Variants in ADGRB1 observed in about 807,000 individuals in gnomAD.
ADGRB1 encodes the protein brain-specific angiogenesis inhibitor 1.
In ADGRB1, 36 loss-of-function variants were observed where a neutral mutation model predicts 175.7. The ratio of observed to expected loss-of-function variants is 0.20; its 90% CI spans 0.16 to 0.27. ADGRB1 has a LOEUF of 0.27. Among genes scored for constraint, ADGRB1 ranks in the 10% least tolerant of loss-of-function variants. ADGRB1 has a pLI of 1.00. For synonymous variants in ADGRB1, 1,054 were observed against 979.4 expected (o/e 1.08, Z -1.42); for missense variants, 1,731 against 2,255.3 (o/e 0.77, Z 4.71).
At chr8:142,533,218 T>G in intron 24 of ADGRB1, 77 bp from the exon 25 acceptor site, 16 of 1,370,642 alleles carry the variant, frequency 1.2e-5, no homozygotes, top group East Asian at 2.6e-5. Context: ...CACCGAGGCC[T>G]GGAGATGCAG....
At position 142,510,388 on chromosome 8, in the gene ADGRB1, G is replaced by A. The variant is rs967167230; in HGVS notation, c.2676-544G>A. Among the ~76,000 whole-genome samples the A allele has an allele frequency of 6.6e-6, 1 of 151,914 alleles. No individual in the cohort carries two copies. The highest frequency in any genetic ancestry group is 2.4e-5 in the African/African-American group (1 of 41,406). ...GGAGGTGGATGTGGGGGATGGAGCG[G>A]TCCCAAGGTCGTCAGCTCCAGCCGG... is the stretch of plus-strand genomic sequence containing the variant. On this transcript the variant is annotated intron_variant, in intron 17 of 30. Transcript: ENST00000517894. The surrounding 1 kb of genome is among the most constrained non-coding windows in gnomAD (Gnocchi z 6.3).
Position 142,542,266 on chromosome 8 carries a change from C to T in ADGRB1, c.4032C>T (p.Ser1344=). ...CCCAGGAGAAGGCTCTGGACACGAGCTACGTGATCCTGCCCACGGCCACGG... is the reference window on the plus strand; with the variant it reads ...CCCAGGAGAAGGCTCTGGACACGAGTTACGTGATCCTGCCCACGGCCACGG... The part of the protein sequence containing the change: ...SRAQEKALDT[S]YVILPTATAT... The change falls in exon 28 of 31, where the codon AGC becomes AGT. Residue 1344 remains serine (S), a synonymous_variant. Coordinates refer to ENST00000517894, the MANE Select transcript of ADGRB1 (RefSeq NM_001702.3). The surrounding 1 kb of genome is among the most constrained non-coding windows in gnomAD (Gnocchi z 6.3). The T allele has an allele frequency of 1.2e-6, 2 of 1,613,504 alleles. No individual in the cohort carries two copies. Among genetic ancestry groups the T allele is most frequent in the Non-Finnish European group, 1.7e-6 (2 of 1,179,840 alleles).
At chr8:142,475,326 C>T (rs1268999651) in intron 2 of ADGRB1, 148 bp from the exon 3 acceptor site, 1 of 818,580 alleles carries the variant, frequency 1.2e-6, no homozygotes, top group Non-Finnish European at 1.6e-6. Context: ...ACACCAGACC[C>T]CCAGGTCCTC....
intron 2 of ADGRB1, among the ~76,000 whole-genome samples, chr8:142,473,261 G>A (rs1257398407): frequency 6.6e-6 from 1 of 152,176 alleles, no homozygotes; most frequent in African/African-American, 2.4e-5. Context: ...ACGGCGAGGG[G>A]GGTGCCGCAG....
intron 7 of ADGRB1, 48 bp downstream of exon 7, chr8:142,478,408 G>T (rs1841118553): frequency 1.3e-6 from 2 of 1,528,546 alleles, no homozygotes; most frequent in Non-Finnish European, 1.8e-6. Context: ...ACAAGCAGGA[G>T]CCTCTAGGAA....
intron 12 of ADGRB1, 80 bp downstream of exon 12, chr8:142,484,125 CTGGGG>C (rs1841534963): frequency 3.0e-6 from 4 of 1,348,586 alleles, no homozygotes; most frequent in Non-Finnish European, 4.1e-6. Context: ...TCCAGTCGGC[CTGGGG>C]TGGGGTCCCG....
chr8:142,473,812 G>C (rs1364562239), intron 2 of ADGRB1, among the ~76,000 whole-genome samples: 1 of 152,224 alleles, frequency 6.6e-6, no homozygotes, highest in African/African-American at 2.4e-5. Flanking sequence ...CAGCTGTGGT[G>C]GGTCAAGTCC....
intron 23 of ADGRB1, among the ~76,000 whole-genome samples, chr8:142,526,048 A>G (rs751800244): frequency 1.4e-4 from 21 of 152,190 alleles, no homozygotes; most frequent in Non-Finnish European, 2.2e-4. Context: ...GAGCCCAAGA[A>G]GAGCCTCCCT....
At position 142,522,709 on chromosome 8, in the gene ADGRB1, T is replaced by C; in HGVS notation, c.3244T>C (p.Tyr1082His). ...GGCCAAAGGGTACAGCACCATGAAC[T>C]AGTGAGTCGGGGCATTGGGGGTGTG... is the stretch of plus-strand genomic sequence containing the variant. The part of the protein sequence containing the change: ...TKAKGYSTMN[Y>H]CWLSLEGGLL... Residue 1082 changes from tyrosine (Y) to histidine (H), a missense_variant and splice_region_variant, in exon 22 of 31, where the codon TAC (tyrosine) becomes CAC (histidine). Physicochemically the swap from Tyr to His is moderately conservative, Grantham distance 83. This residue lies in a region of ADGRB1 where 301 missense variants were observed against 488.4 expected (regional missense o/e 0.62). Transcript: ENST00000517894. 1 of 1,521,776 alleles carries C rather than the reference T, an allele frequency of 6.6e-7. No homozygotes were observed. The highest frequency in any genetic ancestry group is 2.5e-5 in the East Asian group (1 of 39,820). 94.3% of individuals were successfully genotyped at this position (1,521,776 alleles called of 1,614,324 possible). A position where few individuals can be genotyped will look rare whatever the true frequency, so the allele number is the denominator to read the frequency against.
chr8:142,509,481 A>C (rs1307456785), intron 17 of ADGRB1, among the ~76,000 whole-genome samples: 1 of 152,160 alleles, frequency 6.6e-6, no homozygotes, highest in Non-Finnish European at 1.5e-5. Flanking sequence ...TGGGGATAGC[A>C]GGCTGGAGAG....
intron 2 of ADGRB1, among the ~76,000 whole-genome samples, chr8:142,471,479 C>T (rs1172063484): frequency 6.6e-6 from 1 of 152,196 alleles, no homozygotes. Context: ...GGCTTGTAAA[C>T]AGGGCACCAT....
At chr8:142,456,760 C>A (rs915959898) in intron 1 of ADGRB1, among the ~76,000 whole-genome samples, 1 of 152,248 alleles carries the variant, frequency 6.6e-6, no homozygotes, top group Admixed American at 6.5e-5. Context: ...GCGGCCTGCC[C>A]GCCGTGGTGG....
rs1000141369 is a variant in ADGRB1 at position 142,462,026 on chromosome 8, A to C, written c.-219-1954A>C. On this transcript the variant is annotated intron_variant, in intron 1 of 30. Coordinates refer to ENST00000517894, the MANE Select transcript of ADGRB1 (RefSeq NM_001702.3). Reference sequence around the variant, plus strand: ...ATGAGATGGTGAGGGGGCGCCCAGGACAGCCCGGCTTTTCCATGCCTTGTC... The same window carrying C: ...ATGAGATGGTGAGGGGGCGCCCAGGCCAGCCCGGCTTTTCCATGCCTTGTC... Among the ~76,000 whole-genome samples the C allele has an allele frequency of 4.6e-5, 7 of 152,166 alleles. No homozygotes were observed. The East Asian group carries it at 1.2e-3, about 25-fold the overall frequency.
intron 20 of ADGRB1, among the ~76,000 whole-genome samples, 192 bp downstream of exon 20, chr8:142,521,117 C>T (rs973045789): frequency 1.3e-5 from 2 of 152,146 alleles, no homozygotes; most frequent in Admixed American, 1.3e-4. Context: ...AGGGGCTGGT[C>T]AGCCGGCCAA....
chr8:142,533,202 G>T, intron 24 of ADGRB1, 93 bp from the exon 25 acceptor site: 1 of 1,320,536 alleles, frequency 7.6e-7, no homozygotes, highest in Non-Finnish European at 1.0e-6. Context: ...CTTAGGGCTG[G>T]GTCCCCACCG....
At chr8:142,487,084 C>T (rs1187482080) in intron 13 of ADGRB1, among the ~76,000 whole-genome samples, 1 of 152,222 alleles carries the variant, frequency 6.6e-6, no homozygotes, top group African/African-American at 2.4e-5. Context: ...ATCAACACGA[C>T]TGATTGCTAC....
chr8:142,479,460 C>T lies in ADGRB1; in HGVS notation c.1699C>T (p.Arg567Trp). 1 of 1,553,896 alleles carries T rather than the reference C, an allele frequency of 6.4e-7. No homozygotes were observed. The highest frequency in any genetic ancestry group is 8.6e-7 in the Non-Finnish European group (1 of 1,156,078). Residue 567 changes from arginine (R) to tryptophan (W), a missense_variant, in exon 8 of 31, where the codon CGG (arginine) becomes TGG (tryptophan). Coordinates refer to ENST00000517894, the MANE Select transcript of ADGRB1 (RefSeq NM_001702.3). ...CTGCCAGGGCCCCCAGGATGAGTAC[C>T]GGCAGTGCGGCACCCAGCGGTGTCC... ...AACQGPQDEY[R>W]QCGTQRCPEP...
intron 16 of ADGRB1, among the ~76,000 whole-genome samples, chr8:142,489,685 ACT>A (rs564563760): frequency 1.4e-3 from 206 of 151,738 alleles, no homozygotes; most frequent in African/African-American, 4.8e-3. Context: ...GGCTCCAACC[ACT>A]CTGCCCTCCA....
rs144022483 is a variant in ADGRB1, at chr8:142,520,766, C to T, written c.2922-57C>T. 359 of 1,467,798 alleles carry T rather than the reference C, an allele frequency of 2.4e-4. 4 individuals carry two copies. The East Asian group carries it at 6.8e-3, about 28-fold the overall frequency. 90.9% of individuals were successfully genotyped at this position (1,467,798 alleles called of 1,614,324 possible). On this transcript the variant is annotated intron_variant, in intron 19 of 30. Transcript: ENST00000517894. The stretch of plus-strand genomic sequence containing the variant: ...GGTCTTGGTGCCACAGGACCACAGC[C>T]CCTGTGCAGATGGGGTTCTGTTGGG...
Sources: allele counts gnomAD v4.1 joint callset (sites outside exome capture counted in the v4.1 genomes callset), GRCh38; gene constraint gnomAD v4.1.1; regional missense constraint gnomAD v4.1.1; non-coding constraint Gnocchi (gnomAD v3.1); transcripts MANE v1.5; gene names NCBI Gene and HGNC (gene_info 2026-07-23, HGNC 2026-07-21).